The following CCSER1 variants were observed in gnomAD, a reference collection of about 807,000 sequenced individuals.
The protein encoded by CCSER1 is coiled-coil serine rich protein 1.
Under a neutral mutation model 82.0 loss-of-function variants are expected in CCSER1, and 41 were observed. The ratio of observed to expected loss-of-function variants is 0.50; its 90% CI spans 0.39 to 0.65. CCSER1 has a LOEUF of 0.65. Ranked by LOEUF, CCSER1 falls within the 30% of genes least tolerant of loss-of-function variation. The pLI, the probability that CCSER1 is intolerant of heterozygous loss-of-function variation, is 0.00. For synonymous variants in CCSER1, 414 were observed against 383.9 expected, an observed-to-expected ratio of 1.08 and a Z score of -0.92; for missense variants, 1,119 against 1,064.2, an observed-to-expected ratio of 1.05 and a Z score of -0.72.
chr4:90,190,459 C>A (rs1735416816), intron 1 of CCSER1, among the ~76,000 whole-genome samples: 1 of 152,028 alleles, frequency 6.6e-6, no homozygotes, highest in Non-Finnish European at 1.5e-5. Flanking sequence ...GCTTACAAAT[C>A]TTTGCTACTT....
intron 6 of CCSER1, among the ~76,000 whole-genome samples, chr4:90,665,422 C>T (rs545555834): frequency 7.3e-5 from 11 of 151,678 alleles, no homozygotes; most frequent in South Asian, 6.2e-4. Context: ...CCAGAGTTCA[C>T]GCCATTCTCC....
intron 8 of CCSER1, among the ~76,000 whole-genome samples, chr4:90,873,745 G>C (rs1766853419): frequency 6.6e-6 from 1 of 151,906 alleles, no homozygotes; most frequent in Admixed American, 6.6e-5. Context: ...AGAGGAAAAA[G>C]GCAATTTTTA....
intron 3 of CCSER1, among the ~76,000 whole-genome samples, chr4:90,383,183 A>T (rs2153532928): frequency 6.6e-6 from 1 of 152,294 alleles, no homozygotes; most frequent in East Asian, 1.9e-4. Flanking sequence ...AATAAAAGAG[A>T]AATTTGGCTA....
At chr4:90,240,047 G>T (rs1217881416) in intron 1 of CCSER1, among the ~76,000 whole-genome samples, 9 of 152,202 alleles carry the variant, frequency 5.9e-5, no homozygotes, top group African/African-American at 2.2e-4. Flanking sequence ...AAACTTGGAA[G>T]AGGATCAGAT....
intron 10 of CCSER1, among the ~76,000 whole-genome samples, chr4:91,357,392 A>G (rs1307710276): frequency 6.6e-6 from 1 of 152,166 alleles, no homozygotes; most frequent in Non-Finnish European, 1.5e-5. Flanking sequence ...GAGCAGGTTG[A>G]TGCTTTAAGA....
chr4:91,516,003 GTCT>G (rs960261272), intron 10 of CCSER1, among the ~76,000 whole-genome samples: 27 of 151,582 alleles, frequency 1.8e-4, no homozygotes, highest in African/African-American at 6.5e-4. Flanking sequence ...CTTCATGTAT[GTCT>G]TCTTTTAAAA....
At chr4:90,970,272 C>A (rs12640647) in intron 9 of CCSER1, among the ~76,000 whole-genome samples, 11,754 of 151,606 alleles carry the variant, frequency 0.078, 647 homozygotes, top group East Asian at 0.2. Context: ...ATATGCCATG[C>A]AAATGGTAAC....
At chr4:90,713,073 C>T (rs1015418976) in intron 6 of CCSER1, among the ~76,000 whole-genome samples, 24 of 151,516 alleles carry the variant, frequency 1.6e-4, no homozygotes, top group East Asian at 5.8e-4. Context: ...AGAAGCACAC[C>T]GATGGGTCTT....
At chr4:90,964,295 A>G (rs189186535) in intron 9 of CCSER1, among the ~76,000 whole-genome samples, 10 of 152,312 alleles carry the variant, frequency 6.6e-5, no homozygotes, top group Non-Finnish European at 1.3e-4. Context: ...ATCTATAAAT[A>G]TAATAACAGA....
intron 8 of CCSER1, chr4:90,839,052 A>C: frequency 6.2e-7 from 1 of 1,611,482 alleles, no homozygotes; most frequent in Middle Eastern, 2.2e-4. Context: ...GCGGAGGAAA[A>C]GCGGAGCGAG....
chr4:91,585,701 C>T (rs1254495924), intron 10 of CCSER1, among the ~76,000 whole-genome samples: 4 of 151,076 alleles, frequency 2.6e-5, no homozygotes, highest in Non-Finnish European at 4.4e-5. Flanking sequence ...AGGCTAAAAG[C>T]GTAAAGGACC....
intron 6 of CCSER1, among the ~76,000 whole-genome samples, chr4:90,662,816 A>T (rs944723139): frequency 6.6e-6 from 1 of 152,198 alleles, no homozygotes; most frequent in South Asian, 2.1e-4. Flanking sequence ...ATTTCAAGTC[A>T]TACATTAAAG....
chr4:91,296,467 GTATATA>G (rs1179567431), intron 10 of CCSER1, among the ~76,000 whole-genome samples: 4 of 62,394 alleles, frequency 6.4e-5, no homozygotes, highest in Non-Finnish European at 1.4e-4. Context: ...ATATATATAT[GTATATA>G]TATATATATA....
chr4:91,416,642 G>A lies in CCSER1; in HGVS notation c.2218-181930G>A, dbSNP rs568293719. The stretch of plus-strand genomic sequence containing the variant: ...TTAATAAGTGGTGCCGGGAGAACTG[G>A]CTAGCCATATGCAGGAAATTGAAAC... On this transcript the variant is annotated intron_variant, in intron 10 of 10. Coordinates refer to ENST00000509176, the MANE Select transcript of CCSER1 (RefSeq NM_001145065.2). 2.9e-3 allele frequency among the ~76,000 whole-genome samples: 438 copies of A among 152,270 alleles called. 1 individual carries two copies. The highest frequency in any genetic ancestry group is 0.01 in the African/African-American group (422 of 41,562).
intron 9 of CCSER1, among the ~76,000 whole-genome samples, chr4:90,970,433 A>G (rs1258701979): frequency 6.6e-6 from 1 of 151,994 alleles, no homozygotes; most frequent in Non-Finnish European, 1.5e-5. Flanking sequence ...TGCATCTAAC[A>G]TACAGCACCC....
intron 6 of CCSER1, among the ~76,000 whole-genome samples, chr4:90,654,684 C>A (rs993695206): frequency 6.6e-6 from 1 of 152,054 alleles, no homozygotes; most frequent in Non-Finnish European, 1.5e-5. Context: ...GTACGCCTAA[C>A]CCTCTCTCAG....
chr4:91,447,754 G>T (rs1755648391), intron 10 of CCSER1, among the ~76,000 whole-genome samples: 1 of 152,010 alleles, frequency 6.6e-6, no homozygotes, highest in African/African-American at 2.4e-5. Flanking sequence ...AATTAAGATT[G>T]CACTGGCCCA....
chr4:91,091,970 G>C (rs1381353529), intron 10 of CCSER1, among the ~76,000 whole-genome samples: 1 of 152,078 alleles, frequency 6.6e-6, no homozygotes. Context: ...CCAACTCTTG[G>C]GGAGTACCTG....
At chr4:91,391,792 G>A (rs1333165094) in intron 10 of CCSER1, among the ~76,000 whole-genome samples, 2 of 152,046 alleles carry the variant, frequency 1.3e-5, no homozygotes, top group African/African-American at 4.8e-5. Flanking sequence ...TGTTCTATGT[G>A]AGGCTGAGAA....
Sources: allele counts gnomAD v4.1 joint callset (sites outside exome capture counted in the v4.1 genomes callset), GRCh38; gene constraint gnomAD v4.1.1; transcripts MANE v1.5; gene names NCBI Gene and HGNC (gene_info 2026-07-23, HGNC 2026-07-21).